HS1BP3: variants seen among roughly 807,000 people sequenced by gnomAD.
HS1BP3 encodes the protein HCLS1-binding protein 3.
A neutral mutation model predicts 33.5 loss-of-function variants in HS1BP3; 32 were observed. The observed-to-expected ratio is 0.95, with a 90% CI of 0.72 to 1.28. The LOEUF (loss-of-function observed/expected upper bound fraction) is 1.28. HS1BP3 is among the 50% of genes most tolerant of loss of function. The pLI is 0.00. For synonymous variants in HS1BP3, 187 were observed against 209.2 expected, an observed-to-expected ratio of 0.89 and a Z score of 0.92; for missense variants, 486 against 502.3, an observed-to-expected ratio of 0.97 and a Z score of 0.31.
chr2:20,582,902 C>T (rs1693568899), intron 5 of HS1BP3, among the ~76,000 whole-genome samples: 1 of 152,142 alleles, frequency 6.6e-6, no homozygotes, highest in South Asian at 2.1e-4. Flanking sequence ...GCCTCCAGTG[C>T]CTACAAGCCT....
At chr2:20,624,972 G>A (rs1694732899) in intron 4 of HS1BP3, 80 bp from the exon 5 acceptor site, 3 of 1,518,686 alleles carry the variant, frequency 2.0e-6, no homozygotes, top group South Asian at 1.1e-5. Context: ...CACAGGCGCT[G>A]GGCCCTGCAG....
chr2:20,570,073 A>G (rs1408504681), intron 5 of HS1BP3, among the ~76,000 whole-genome samples: 2 of 152,146 alleles, frequency 1.3e-5, no homozygotes, highest in East Asian at 3.9e-4. Flanking sequence ...CACCTGAATC[A>G]GTCTACTCCC....
intron 5 of HS1BP3, chr2:20,586,318 G>A (rs1406056487): frequency 1.3e-5 from 2 of 152,216 alleles, no homozygotes; most frequent in East Asian, 3.8e-4. Flanking sequence ...CAGCCACCTT[G>A]AAGCTGGGGA....
intron 6 of HS1BP3, chr2:20,622,461 G>T: frequency 6.5e-6 from 3 of 462,406 alleles, no homozygotes; most frequent in South Asian, 5.1e-5. Flanking sequence ...CACAGAGTGG[G>T]GGGCCCAGGG....
At chr2:20,585,408 A>G (rs1189591826) in intron 5 of HS1BP3, among the ~76,000 whole-genome samples, 1 of 152,172 alleles carries the variant, frequency 6.6e-6, no homozygotes, top group Non-Finnish European at 1.5e-5. Flanking sequence ...ATAACTATAT[A>G]TTTGCCTTAA....
chr2:20,579,684 C>A lies in HS1BP3; in HGVS notation c.303-19169G>T, dbSNP rs185203735. 2.8e-4 allele frequency among the ~76,000 whole-genome samples: 42 copies of A among 152,324 alleles called. No individual in the cohort carries two copies. In the East Asian group the frequency reaches 7.9e-3, roughly 29 times the overall value. The stretch of plus-strand genomic sequence containing the variant: ...CCCTGTGACAAGAGGAAAACCAATA[C>A]CAAGTCACCTACCCACAAGTCCCAC... On this transcript the variant is annotated intron_variant, in intron 5 of 5. Coordinates refer to the HS1BP3 transcript ENST00000446825.
chr2:20,638,200 C>G (rs1695212490), intron 4 of HS1BP3: 1 of 594,550 alleles, frequency 1.7e-6, no homozygotes, highest in South Asian at 2.1e-5. Context: ...GGAGGACATC[C>G]TGTGACCCGA....
chr2:20,572,743 G>C (rs1053243240), intron 5 of HS1BP3, among the ~76,000 whole-genome samples: 2 of 152,134 alleles, frequency 1.3e-5, no homozygotes, highest in Admixed American at 6.5e-5. Context: ...ACTGGAGCCC[G>C]GGGATCAGCT....
chr2:20,561,186 C>A (rs1431266118), intron 5 of HS1BP3, among the ~76,000 whole-genome samples: 2 of 152,210 alleles, frequency 1.3e-5, no homozygotes, highest in Non-Finnish European at 2.9e-5. Context: ...GTGCCCACTC[C>A]TTGGGGATGC....
At chr2:20,646,855 C>T (rs1402208675) in intron 1 of HS1BP3, among the ~76,000 whole-genome samples, 1 of 152,236 alleles carries the variant, frequency 6.6e-6, no homozygotes, top group East Asian at 1.9e-4. Flanking sequence ...CTCCTGCAAC[C>T]CTGCGAAGGA....
chr2:20,580,380 G>T, intron 5 of HS1BP3, among the ~76,000 whole-genome samples: 1 of 152,270 alleles, frequency 6.6e-6, no homozygotes, highest in East Asian at 1.9e-4. Context: ...TTAGCCAGGC[G>T]TATCAGTGTG....
chr2:20,613,332 G>A (rs6723273), downstream of HS1BP3, among the ~76,000 whole-genome samples: 28,134 of 152,270 alleles, frequency 0.18, 2,802 homozygotes, highest in Middle Eastern at 0.22. Context: ...GAAGCCTTTA[G>A]TTCCCACTGC....
chr2:20,616,649 G>T (rs1694432464), downstream of HS1BP3, among the ~76,000 whole-genome samples: 1 of 152,162 alleles, frequency 6.6e-6, no homozygotes, highest in Non-Finnish European at 1.5e-5. Flanking sequence ...GCCTTGGTTG[G>T]CATAGTGAGG....
downstream of HS1BP3, among the ~76,000 whole-genome samples, chr2:20,557,055 T>C (rs565143063): frequency 6.6e-6 from 1 of 152,332 alleles, no homozygotes; most frequent in Admixed American, 6.5e-5. Flanking sequence ...CCTCAAACAA[T>C]CTTTGTCTGA....
chr2:20,622,286 C>A (rs897794935), intron 6 of HS1BP3: 1 of 1,304,726 alleles, frequency 7.7e-7, no homozygotes, highest in Non-Finnish European at 1.0e-6. Context: ...TCTCAAGAAG[C>A]TAATCCCAGT....
intron 5 of HS1BP3, among the ~76,000 whole-genome samples, chr2:20,571,334 C>T (rs888453772): frequency 2.0e-5 from 3 of 152,156 alleles, no homozygotes; most frequent in Admixed American, 1.3e-4. Context: ...CTAGCAGAGG[C>T]CCCTCCCTCA....
chr2:20,573,790 C>T (rs1465108607), intron 5 of HS1BP3, among the ~76,000 whole-genome samples: 4 of 152,210 alleles, frequency 2.6e-5, no homozygotes, highest in Non-Finnish European at 4.4e-5. Context: ...AGACAGCCTC[C>T]GGTCAGGACC....
At chr2:20,572,350 G>T (rs1389956878) in intron 5 of HS1BP3, among the ~76,000 whole-genome samples, 2 of 152,188 alleles carry the variant, frequency 1.3e-5, no homozygotes, top group Non-Finnish European at 2.9e-5. Context: ...AGGCTATGGG[G>T]CTACAGAGAC....
At position 20,639,805 on chromosome 2, in the gene HS1BP3, A is replaced by T. The variant is rs151137007; in HGVS notation, c.407-1153T>A. Among the ~76,000 whole-genome samples, 58 of 152,326 alleles carry T rather than the reference A, an allele frequency of 3.8e-4. No homozygotes were observed. In the East Asian group the frequency reaches 7.7e-3, roughly 20 times the overall value. On this transcript the variant is annotated intron_variant, in intron 3 of 6. Transcript: ENST00000304031. ...CTCTCCACCAGAGAGGGGCTGGGAC[A>T]TCCTGAGCATCTCTTCCAGCGATGG...
Sources: gnomAD v4.1 joint callset for allele counts (sites outside exome capture counted in the v4.1 genomes callset) on GRCh38, gnomAD v4.1.1 for gene constraint, MANE v1.5 for transcripts, NCBI Gene and HGNC (gene_info 2026-07-23, HGNC 2026-07-21) for gene names.